Variants in CCDC7 observed in about 807,000 individuals in gnomAD.
The protein encoded by CCDC7 is coiled-coil domain containing 7.
CCDC7 carries 183 observed loss-of-function variants against 196.9 expected under a neutral mutation model. The observed-to-expected ratio is 0.93, with a 90% CI of 0.82 to 1.05. The LOEUF (loss-of-function observed/expected upper bound fraction) is 1.05, where lower values mean the gene tolerates loss of function less well. Ranked by LOEUF, CCDC7 falls within the 50% of genes least tolerant of loss-of-function variation. The pLI is 0.00. For missense variants in CCDC7, 1,540 were observed against 1,482.2 expected (o/e 1.04, Z -0.64); for synonymous variants, 525 against 484.6 (o/e 1.08, Z -1.10).
intron 13 of CCDC7, among the ~76,000 whole-genome samples, chr10:32,557,885 G>T (rs909616162): frequency 6.6e-6 from 1 of 152,138 alleles, no homozygotes; most frequent in South Asian, 2.1e-4. Flanking sequence ...TAGACATAGT[G>T]TCTTGCTATG....
intron 20 of CCDC7, among the ~76,000 whole-genome samples, chr10:32,645,527 T>A (rs61857795): frequency 3.1e-4 from 33 of 106,460 alleles, no homozygotes; most frequent in Admixed American, 6.7e-4. Flanking sequence ...TTTTTTTTTT[T>A]AATCAGAGTA....
intron 18 of CCDC7, among the ~76,000 whole-genome samples, chr10:32,594,952 A>G (rs2060166158): frequency 6.6e-6 from 1 of 152,200 alleles, no homozygotes; most frequent in Admixed American, 6.5e-5. Flanking sequence ...TTGGTTTGCC[A>G]GTATTTTATT....
At chr10:32,800,304 A>G (rs1425518537) in intron 29 of CCDC7, among the ~76,000 whole-genome samples, 1 of 152,126 alleles carries the variant, frequency 6.6e-6, no homozygotes, top group African/African-American at 2.4e-5. Flanking sequence ...AATGGCTTCC[A>G]TTTGGCCTTT....
intron 5 of CCDC7, among the ~76,000 whole-genome samples, chr10:32,464,536 T>A (rs2036350018): frequency 6.6e-6 from 1 of 152,198 alleles, no homozygotes; most frequent in Non-Finnish European, 1.5e-5. Context: ...GAGAACTTGA[T>A]CTCATTCTGG....
At chr10:32,851,836 G>A in exon 40 of CCDC7, 5 of 1,612,502 alleles carry the variant, frequency 3.1e-6, no homozygotes, top group Admixed American at 1.7e-5. Context: ...TTCACCCTAT[G>A]TGACTGCACC....
intron 18 of CCDC7, among the ~76,000 whole-genome samples, chr10:32,606,595 T>A (rs1278605016): frequency 1.3e-5 from 2 of 152,214 alleles, no homozygotes; most frequent in Non-Finnish European, 2.9e-5. Context: ...TGCCCTGGAT[T>A]TGGGACATGG....
chr10:32,456,383 G>T, intron 3 of CCDC7, 49 bp downstream of exon 4: 1 of 1,387,908 alleles, frequency 7.2e-7, no homozygotes, highest in Non-Finnish European at 9.5e-7. Flanking sequence ...AACTTGTACT[G>T]GTTGTTGAAA....
intron 18 of CCDC7, among the ~76,000 whole-genome samples, chr10:32,627,147 G>A (rs1402848720): frequency 6.6e-6 from 1 of 151,518 alleles, no homozygotes; most frequent in Non-Finnish European, 1.5e-5. Context: ...TGGGTAGTGT[G>A]GACATTTTTA....
chr10:32,517,855 C>T, intron 9 of CCDC7, 90 bp from the exon 11 acceptor site: 2 of 1,449,898 alleles, frequency 1.4e-6, no homozygotes, highest in Non-Finnish European at 1.9e-6. Flanking sequence ...TTACTGAATA[C>T]CAAAAGAAAA....
chr10:32,708,359 A>G (rs148327576), intron 24 of CCDC7, among the ~76,000 whole-genome samples: 52,083 of 152,140 alleles, frequency 0.34, 11,316 homozygotes, highest in Non-Finnish European at 0.49. Flanking sequence ...ACCTAAAACC[A>G]TAAAAACCCT....
chr10:32,581,420 C>T (rs1292049613), intron 16 of CCDC7, among the ~76,000 whole-genome samples: 1 of 152,066 alleles, frequency 6.6e-6, no homozygotes, highest in East Asian at 1.9e-4. Context: ...CCTCCTCCTC[C>T]TTCAACTCCT....
intron 18 of CCDC7, among the ~76,000 whole-genome samples, chr10:32,605,236 C>T (rs556339246): frequency 6.6e-6 from 1 of 152,268 alleles, no homozygotes; most frequent in African/African-American, 2.4e-5. Flanking sequence ...TGCCATGCTT[C>T]CTGGACACCT....
At chr10:32,718,558 A>G (rs1565274525) in intron 25 of CCDC7, among the ~76,000 whole-genome samples, 1 of 152,192 alleles carries the variant, frequency 6.6e-6, no homozygotes, top group Non-Finnish European at 1.5e-5. Context: ...AAAGATATTC[A>G]AATAGGATGA....
At chr10:32,445,125 T>C (rs1459975373), upstream of CCDC7, among the ~76,000 whole-genome samples, 2 of 152,306 alleles carry the variant, frequency 1.3e-5, no homozygotes, top group Non-Finnish European at 2.9e-5. Context: ...AGTGCTGGGA[T>C]TACAGGTGCG....
chr10:32,509,894 G>A (rs1375721274), intron 9 of CCDC7, among the ~76,000 whole-genome samples: 2 of 152,166 alleles, frequency 1.3e-5, no homozygotes, highest in Non-Finnish European at 2.9e-5. Flanking sequence ...ACAATTATTA[G>A]CAAGGATTTG....
intron 8 of CCDC7, among the ~76,000 whole-genome samples, chr10:32,482,302 T>C (rs2040119167): frequency 6.6e-6 from 1 of 152,056 alleles, no homozygotes; most frequent in Non-Finnish European, 1.5e-5. Context: ...ATCACCTGAA[T>C]AGTGAACATT....
chr10:32,698,084 C>G (rs2078026372), intron 24 of CCDC7, among the ~76,000 whole-genome samples: 2 of 152,036 alleles, frequency 1.3e-5, no homozygotes, highest in South Asian at 4.2e-4. Flanking sequence ...GGACCTCCAG[C>G]AAGCTCCAGC....
chr10:32,616,391 C>A (rs58538625), intron 18 of CCDC7, among the ~76,000 whole-genome samples: 7,781 of 151,736 alleles, frequency 0.051, 650 homozygotes, highest in African/African-American at 0.18. Context: ...GTCAAATATT[C>A]CTTGATATTT....
At chr10:32,602,144 G>C (rs1318601044) in intron 18 of CCDC7, among the ~76,000 whole-genome samples, 1 of 152,060 alleles carries the variant, frequency 6.6e-6, no homozygotes, top group Non-Finnish European at 1.5e-5. Context: ...CCTGAAGTCA[G>C]CGAGACCACA....
Sources: gnomAD v4.1 joint callset for allele counts (sites outside exome capture counted in the v4.1 genomes callset) on GRCh38, gnomAD v4.1.1 for gene constraint, MANE v1.5 for transcripts, NCBI Gene and HGNC (gene_info 2026-07-23, HGNC 2026-07-21) for gene names.